The following SNTG1 variants were observed in gnomAD, a reference collection of about 807,000 sequenced individuals.
SNTG1 encodes the protein gamma-1-syntrophin.
In SNTG1, 39 loss-of-function variants were observed where a neutral mutation model predicts 74.7. The observed-to-expected ratio is 0.52, with a 90% CI of 0.40 to 0.68. SNTG1 has a LOEUF of 0.68. Ranked by LOEUF, SNTG1 falls within the 30% of genes least tolerant of loss-of-function variation. The pLI, the probability that SNTG1 is intolerant of heterozygous loss-of-function variation, is 0.00. For synonymous variants in SNTG1, 254 were observed against 217.1 expected (o/e 1.17, Z -1.49); for missense variants, 685 against 609.5 (o/e 1.12, Z -1.30).
intron 1 of SNTG1, among the ~76,000 whole-genome samples, chr8:49,965,400 C>T (rs1811050839): frequency 6.6e-6 from 1 of 152,154 alleles, no homozygotes; most frequent in Admixed American, 6.5e-5. Flanking sequence ...TTTGCTAATG[C>T]AACAACTCAC....
In SNTG1 at chr8:50,446,596, C is replaced by T. The variant is rs760370621; in HGVS notation, c.220-3072C>T. ...TAGGAGGCTGAGACAGGAGAATCAC[C>T]TGAACTGGGAAGTGGAGGTTGCAAT... On this transcript the variant is annotated intron_variant, in intron 5 of 18. Transcript: ENST00000642720. Among the ~76,000 whole-genome samples, 3 of 151,886 alleles carry T rather than the reference C, an allele frequency of 2.0e-5. No individual in the cohort carries two copies. In the South Asian group the frequency reaches 6.2e-4, roughly 31 times the overall value.
chr8:49,952,387 A>G (rs868032265), intron 1 of SNTG1, among the ~76,000 whole-genome samples: 3 of 152,056 alleles, frequency 2.0e-5, no homozygotes, highest in South Asian at 2.1e-4. Context: ...GGCATAAACC[A>G]TGGTGAGAGG....
At chr8:49,970,963 A>C (rs913629803) in intron 1 of SNTG1, among the ~76,000 whole-genome samples, 14 of 152,108 alleles carry the variant, frequency 9.2e-5, no homozygotes, top group Admixed American at 3.9e-4. Context: ...GGTACCATTC[A>C]TTCTGAAACT....
At chr8:49,987,988 T>C (rs1813333540) in intron 1 of SNTG1, among the ~76,000 whole-genome samples, 1 of 152,098 alleles carries the variant, frequency 6.6e-6, no homozygotes, top group African/African-American at 2.4e-5. Flanking sequence ...ACGAACCTAA[T>C]ATTAGCAATG....
intron 1 of SNTG1, among the ~76,000 whole-genome samples, chr8:50,082,890 C>G (rs1822538063): frequency 6.6e-6 from 1 of 152,146 alleles, no homozygotes; most frequent in African/African-American, 2.4e-5. Flanking sequence ...ACATCCCGTG[C>G]TACTCCTACA....
intron 13 of SNTG1, among the ~76,000 whole-genome samples, chr8:50,630,577 A>AT (rs2094990034): frequency 6.6e-6 from 1 of 152,186 alleles, no homozygotes; most frequent in African/African-American, 2.4e-5. Flanking sequence ...CACAGAATTT[A>AT]TTTTATATAT....
At chr8:50,785,087 T>TTAAG (rs1165385989) in intron 18 of SNTG1, among the ~76,000 whole-genome samples, 1 of 151,800 alleles carries the variant, frequency 6.6e-6, no homozygotes. Flanking sequence ...AAATACTATA[T>TTAAG]TAAGTAATAA....
chr8:50,478,032 A>C (rs1427006208), intron 8 of SNTG1, among the ~76,000 whole-genome samples: 5 of 152,130 alleles, frequency 3.3e-5, no homozygotes, highest in Admixed American at 2.0e-4. Context: ...AATCTAGATG[A>C]CCCATTACTT....
chr8:50,146,317 C>T (rs2081863535), intron 1 of SNTG1, among the ~76,000 whole-genome samples: 1 of 151,692 alleles, frequency 6.6e-6, no homozygotes, highest in African/African-American at 2.4e-5. Flanking sequence ...CAGGAGTTCG[C>T]GACCAGCCTG....
At chr8:49,949,489 G>A (rs1301368596) in intron 1 of SNTG1, among the ~76,000 whole-genome samples, 1 of 151,868 alleles carries the variant, frequency 6.6e-6, no homozygotes, top group African/African-American at 2.4e-5. Flanking sequence ...TATTATAGTT[G>A]CTATTTTGAA....
At chr8:50,609,640 T>C (rs2094836460) in intron 13 of SNTG1, among the ~76,000 whole-genome samples, 1 of 152,146 alleles carries the variant, frequency 6.6e-6, no homozygotes, top group Admixed American at 6.5e-5. Context: ...CTCTCTCCTT[T>C]CTGCCTTAGA....
chr8:50,778,272 C>T (rs564135080), intron 18 of SNTG1, among the ~76,000 whole-genome samples: 78 of 152,252 alleles, frequency 5.1e-4, no homozygotes, highest in African/African-American at 7.9e-4. Flanking sequence ...CCTGAGGAAT[C>T]GCCACACTGA....
At chr8:50,349,117 A>G (rs2091568729) in intron 2 of SNTG1, among the ~76,000 whole-genome samples, 1 of 152,226 alleles carries the variant, frequency 6.6e-6, no homozygotes. Flanking sequence ...AACCAGCCAA[A>G]TATCTTACTA....
At chr8:50,248,030 ATCT>A (rs1369746895) in intron 2 of SNTG1, among the ~76,000 whole-genome samples, 3 of 152,226 alleles carry the variant, frequency 2.0e-5, no homozygotes, top group East Asian at 1.9e-4. Flanking sequence ...GTCTCTTCAC[ATCT>A]TCTTCCCTCC....
chr8:50,158,123 AC>A (rs2082308907), intron 1 of SNTG1, among the ~76,000 whole-genome samples: 1 of 152,170 alleles, frequency 6.6e-6, no homozygotes, highest in Admixed American at 6.5e-5. Flanking sequence ...CAAGATAGGC[AC>A]TTTTGGTTCA....
intron 2 of SNTG1, among the ~76,000 whole-genome samples, chr8:50,289,931 G>A (rs920545565): frequency 2.6e-5 from 4 of 152,100 alleles, no homozygotes; most frequent in South Asian, 4.1e-4. Context: ...TTTGGATTCC[G>A]CAGAATGTCA....
chr8:50,502,548 G>A (rs541455915), intron 8 of SNTG1, among the ~76,000 whole-genome samples: 42 of 152,252 alleles, frequency 2.8e-4, no homozygotes, highest in African/African-American at 9.6e-4. Flanking sequence ...AGTATGAATG[G>A]AAGATTCACG....
At chr8:50,223,256 A>T (rs1376106493) in intron 2 of SNTG1, among the ~76,000 whole-genome samples, 1 of 152,132 alleles carries the variant, frequency 6.6e-6, no homozygotes, top group East Asian at 1.9e-4. Context: ...CCTTGTAAAT[A>T]CATTAAAAAC....
At chr8:50,703,070 C>T (rs1340439734) in intron 15 of SNTG1, among the ~76,000 whole-genome samples, 1 of 152,058 alleles carries the variant, frequency 6.6e-6, no homozygotes, top group Non-Finnish European at 1.5e-5. Flanking sequence ...GCACTATAGA[C>T]TTTATAAATA....
Sources: gnomAD v4.1 joint callset for allele counts (sites outside exome capture counted in the v4.1 genomes callset) on GRCh38, gnomAD v4.1.1 for gene constraint, MANE v1.5 for transcripts, NCBI Gene and HGNC (gene_info 2026-07-23, HGNC 2026-07-21) for gene names.